Variants in ANK2 observed in about 807,000 individuals in gnomAD.
ANK2 encodes the protein ankyrin-2.
ANK2 carries 83 observed loss-of-function variants against 360.5 expected under a neutral mutation model. The ratio of observed to expected loss-of-function variants is 0.23; its 90% confidence interval spans 0.19 to 0.28. The LOEUF (loss-of-function observed/expected upper bound fraction) is 0.28. Ranked by LOEUF, ANK2 falls within the 10% of genes least tolerant of loss-of-function variation. The pLI is 1.00. For synonymous variants in ANK2, 1,740 were observed against 1,759.5 expected (o/e 0.99, Z 0.28); for missense variants, 4,201 against 4,795.7 (o/e 0.88, Z 3.66).
the ANK2 span, among the ~76,000 whole-genome samples, chr4:112,730,120 T>G: frequency 1.3e-5 from 2 of 150,328 alleles, no homozygotes. Context: ...CAGGTGTGGT[T>G]GTGTGTACCT....
At chr4:113,121,531 C>T (rs1166111524) in intron 1 of ANK2, among the ~76,000 whole-genome samples, 1 of 152,126 alleles carries the variant, frequency 6.6e-6, no homozygotes, top group East Asian at 1.9e-4. Flanking sequence ...CAAAATATTT[C>T]ATGAGATTTC....
chr4:112,938,412 A>T lies in ANK2; in HGVS notation c.21+33898A>T, dbSNP rs146732422. 5.6e-3 allele frequency among the ~76,000 whole-genome samples: 854 copies of T among 152,236 alleles called. 10 individuals carry two copies. The highest frequency in any genetic ancestry group is 0.019 in the African/African-American group (807 of 41,530). ...TTCATTCATGGTGAGGAATCTATCT[A>T]CCGCTATATGTGTTGGGGTATGATT... On this transcript the variant is annotated intron_variant, in intron 2 of 30. Transcript: ENST00000503271.
intron 1 of ANK2, among the ~76,000 whole-genome samples, chr4:113,138,496 A>C (rs1318532862): frequency 6.6e-6 from 1 of 152,226 alleles, no homozygotes; most frequent in Non-Finnish European, 1.5e-5. Flanking sequence ...TATATGCTCT[A>C]GTTGAACCAG....
chr4:113,348,460 T>C (rs1299838047), intron 36 of ANK2, 152 bp downstream of exon 36: 2 of 793,772 alleles, frequency 2.5e-6, no homozygotes, highest in Non-Finnish European at 4.3e-6. Context: ...TAAGCCTCTG[T>C]TTTCTCATCT....
At chr4:112,825,659 G>T (rs1277978400) in intron 1 of ANK2, among the ~76,000 whole-genome samples, 3 of 152,186 alleles carry the variant, frequency 2.0e-5, no homozygotes, top group African/African-American at 7.2e-5. Flanking sequence ...ATTAACCAGA[G>T]AAAATCATAA....
In ANK2 at chr4:113,255,764, C is replaced by T. The variant is rs757576841; in HGVS notation, c.1020C>T (p.Ala340=). Residue 340 remains alanine (A), a synonymous_variant, in exon 11 of 46, where the codon GCC becomes GCT. Transcript: ENST00000357077. ...KNGLSPLHMA[A]QGDHVECVKH... The stretch of plus-strand genomic sequence containing the variant: ...GGCTGTCTCCACTACACATGGCTGC[C>T]CAGGGAGACCACGTGGAATGTGTGA... The T allele has an allele frequency of 1.5e-5, 24 of 1,614,068 alleles. No homozygotes were observed. The highest frequency in any genetic ancestry group is 6.7e-5 in the Admixed American group (4 of 60,012).
the ANK2 span, among the ~76,000 whole-genome samples, chr4:112,782,069 C>A: frequency 6.6e-6 from 1 of 152,234 alleles, no homozygotes; most frequent in Non-Finnish European, 1.5e-5. Context: ...ACCTCGTGAT[C>A]CGCCAGTCTC....
chr4:112,973,455 GACTAGTTCAGC>G (rs1190211800), intron 2 of ANK2, among the ~76,000 whole-genome samples: 3 of 152,198 alleles, frequency 2.0e-5, no homozygotes, highest in Admixed American at 6.5e-5. Flanking sequence ...CAGAGCTTCT[GACTAGTTCAGC>G]GCTGTTCCAT....
rs1308124351 is a variant in ANK2, at chr4:113,358,978, A to T, written c.10360A>T (p.Arg3454Trp). ...GAGCAGAAGCACTACATCTTCCTGC[A>T]GGGGGGGCACGAGCCCCACAAAAGA... ...VKSRSTTSSC[R>W]GGTSPTKESK... The change falls in exon 38 of 46, where the codon AGG becomes TGG. Residue 3454 changes from arginine to tryptophan, a missense_variant. Arg to Trp is a moderately radical substitution (Grantham distance 101). Around this residue, in one of 4 missense-constraint regions of ANK2, gnomAD observed 2,642 missense variants for 2,714.5 expected, o/e 0.97. Transcript: ENST00000357077. 1 of 1,614,030 alleles carries T rather than the reference A, an allele frequency of 6.2e-7. No individual in the cohort carries two copies. Among genetic ancestry groups the T allele is most frequent in the Non-Finnish European group, 8.5e-7 (1 of 1,179,958 alleles).
chr4:113,243,037 C>T (rs184741860), intron 9 of ANK2, among the ~76,000 whole-genome samples: 117 of 152,216 alleles, frequency 7.7e-4, no homozygotes, highest in African/African-American at 2.6e-3. Context: ...TTACCTAGCT[C>T]TTCATAATAT....
At chr4:112,720,557 C>A in the ANK2 span, among the ~76,000 whole-genome samples, 1 of 152,180 alleles carries the variant, frequency 6.6e-6, no homozygotes, top group Non-Finnish European at 1.5e-5. Context: ...CCTGTCACTT[C>A]CTAATGGAAT....
At chr4:113,092,441 A>T (rs1421818979) in intron 1 of ANK2, among the ~76,000 whole-genome samples, 1 of 152,040 alleles carries the variant, frequency 6.6e-6, no homozygotes, top group East Asian at 1.9e-4. Flanking sequence ...TAAAAAGCAG[A>T]CTCTCAGACC....
At chr4:112,908,118 G>A (rs745757418) in intron 2 of ANK2, among the ~76,000 whole-genome samples, 3 of 152,172 alleles carry the variant, frequency 2.0e-5, no homozygotes, top group Non-Finnish European at 2.9e-5. Flanking sequence ...GGAAAGCAAA[G>A]TATTGATAAG....
chr4:112,849,912 A>G (rs1295149347), intron 1 of ANK2, among the ~76,000 whole-genome samples: 2 of 152,180 alleles, frequency 1.3e-5, no homozygotes, highest in Non-Finnish European at 2.9e-5. Flanking sequence ...GCCCTCACCA[A>G]TATCGGCGGG....
chr4:113,145,947 A>G (rs1439079045), intron 1 of ANK2: 14 of 1,289,732 alleles, frequency 1.1e-5, no homozygotes, highest in Non-Finnish European at 1.4e-5. Flanking sequence ...GGAACTGGAT[A>G]AAACCCCAGA....
At chr4:113,164,959 T>C (rs544898724) in intron 1 of ANK2, among the ~76,000 whole-genome samples, 2 of 152,368 alleles carry the variant, frequency 1.3e-5, no homozygotes, top group South Asian at 4.1e-4. Flanking sequence ...TCTCTCTTTT[T>C]TCTCTCGACC....
At chr4:112,996,886 C>T (rs986799104) in intron 2 of ANK2, among the ~76,000 whole-genome samples, 5 of 152,034 alleles carry the variant, frequency 3.3e-5, no homozygotes, top group Non-Finnish European at 7.4e-5. Context: ...CTCTACCTCC[C>T]CGATCCCCAG....
chr4:113,239,420 C>G (rs362506), intron 7 of ANK2, among the ~76,000 whole-genome samples: 2 of 152,076 alleles, frequency 1.3e-5, no homozygotes, highest in African/African-American at 4.8e-5. Flanking sequence ...AAAAACAATA[C>G]AGTAAACATC....
chr4:113,378,371 C>T (rs1424399944), intron 45 of ANK2, among the ~76,000 whole-genome samples: 1 of 152,176 alleles, frequency 6.6e-6, no homozygotes, highest in Admixed American at 6.5e-5. Context: ...CCTCTTGATA[C>T]TTCAAACATA....
Sources: gnomAD v4.1 joint callset for allele counts (sites outside exome capture counted in the v4.1 genomes callset) on GRCh38, gnomAD v4.1.1 for gene constraint, gnomAD v4.1.1 regional missense constraint, MANE v1.5 for transcripts, NCBI Gene and HGNC (gene_info 2026-07-23, HGNC 2026-07-21) for gene names.